Variants in ANKRD6 observed in about 807,000 individuals in gnomAD.
ANKRD6 encodes the protein ankyrin repeat domain 6, also known as ankyrin repeat domain-containing protein 6.
In ANKRD6, 56 loss-of-function variants were observed where a neutral mutation model predicts 82.3. That is an observed-to-expected ratio of 0.68 (90% CI 0.55 to 0.85). The LOEUF is 0.85. ANKRD6 is among the 40% of genes least tolerant of loss of function. ANKRD6 has a pLI of 0.00. For missense variants in ANKRD6, 852 were observed against 907.6 expected, an observed-to-expected ratio of 0.94 and a Z score of 0.79; for synonymous variants, 347 against 352.1, an observed-to-expected ratio of 0.99 and a Z score of 0.16.
At position 89,621,917 on chromosome 6, in the gene ANKRD6, T is replaced by C; in HGVS notation, c.793-5T>C. Reference sequence around the variant, plus strand: ...GGTTGTAACAATGCCGTTTGCCTCCTTCAGGTCTTGCGCTTCAGTCGTGGG... The same window carrying C: ...GGTTGTAACAATGCCGTTTGCCTCCCTCAGGTCTTGCGCTTCAGTCGTGGG... On this transcript the variant is annotated splice_region_variant and splice_polypyrimidine_tract_variant and intron_variant, in intron 9 of 15. Transcript: ENST00000339746. 6.2e-7 allele frequency: 1 copy of C among 1,613,850 alleles called. No homozygotes were observed. Among genetic ancestry groups the C allele is most frequent in the South Asian group, 1.1e-5 (1 of 91,066 alleles).
chr6:89,576,847 C>T (rs923899084), intron 2 of ANKRD6, among the ~76,000 whole-genome samples: 8 of 152,192 alleles, frequency 5.3e-5, no homozygotes, highest in African/African-American at 1.9e-4. Flanking sequence ...GCTTTTCCAG[C>T]TCAAGGCTGG....
At chr6:89,598,898 C>A (rs1423813959) in intron 3 of ANKRD6, among the ~76,000 whole-genome samples, 1 of 152,142 alleles carries the variant, frequency 6.6e-6, no homozygotes, top group African/African-American at 2.4e-5. Context: ...TGCATCTGAC[C>A]TTTTCTGAGG....
intron 1 of ANKRD6, among the ~76,000 whole-genome samples, chr6:89,533,458 A>G (rs1191060756): frequency 6.6e-6 from 1 of 152,128 alleles, no homozygotes; most frequent in African/African-American, 2.4e-5. Flanking sequence ...CTGCCTCCTG[A>G]TAGTCACACC....
chr6:89,543,824 A>C (rs1356066740), intron 1 of ANKRD6, among the ~76,000 whole-genome samples: 1 of 152,158 alleles, frequency 6.6e-6, no homozygotes, highest in African/African-American at 2.4e-5. Context: ...CCAATCAGCC[A>C]CAGATCCTTT....
At chr6:89,566,788 T>A (rs1311047610) in intron 1 of ANKRD6, 46 bp from the exon 2 acceptor site, 2 of 652,222 alleles carry the variant, frequency 3.1e-6, no homozygotes, top group African/African-American at 3.7e-5. Context: ...GACCTGTCCT[T>A]GTGTGTCAAG....
At chr6:89,526,159 CA>C (rs1782473275) in intron 1 of ANKRD6, among the ~76,000 whole-genome samples, 1 of 152,192 alleles carries the variant, frequency 6.6e-6, no homozygotes, top group South Asian at 2.1e-4. Context: ...TCTCTCAGAT[CA>C]CACTGCCATG....
intron 1 of ANKRD6, among the ~76,000 whole-genome samples, chr6:89,499,020 T>G (rs866117492): frequency 2.8e-4 from 42 of 152,262 alleles, no homozygotes; most frequent in African/African-American, 9.6e-4. Flanking sequence ...CTAACCACCT[T>G]CCAGCCAGGA....
At chr6:89,464,488 C>T (rs1341756918) in intron 1 of ANKRD6, among the ~76,000 whole-genome samples, 1 of 152,152 alleles carries the variant, frequency 6.6e-6, no homozygotes, top group East Asian at 1.9e-4. Context: ...TTATATCTGT[C>T]AGGCCTTTGT....
chr6:89,623,831 G>A (rs1292909778), intron 11 of ANKRD6, 41 bp from the exon 12 acceptor site: 1 of 1,579,750 alleles, frequency 6.3e-7, no homozygotes, highest in South Asian at 1.2e-5. Context: ...GTCTTGCAGA[G>A]GTCAAAGCGT....
At chr6:89,623,123 G>T (rs1804221822) in intron 10 of ANKRD6, among the ~76,000 whole-genome samples, 2 of 152,018 alleles carry the variant, frequency 1.3e-5, no homozygotes, top group African/African-American at 4.8e-5. Context: ...GAGGTGTTTT[G>T]TGTCGGGTAG....
chr6:89,524,029 A>G (rs1782173904), intron 1 of ANKRD6, among the ~76,000 whole-genome samples: 1 of 152,200 alleles, frequency 6.6e-6, no homozygotes, highest in South Asian at 2.1e-4. Context: ...ACCCTAGGCC[A>G]GGAGAGCCAG....
intron 2 of ANKRD6, among the ~76,000 whole-genome samples, chr6:89,580,603 G>C (rs1483271220): frequency 1.3e-5 from 2 of 151,600 alleles, no homozygotes; most frequent in African/African-American, 2.4e-5. Context: ...GCTGCCACTC[G>C]CTGGGCTTCC....
intron 3 of ANKRD6, among the ~76,000 whole-genome samples, chr6:89,599,995 G>A (rs1796742314): frequency 6.6e-6 from 1 of 152,136 alleles, no homozygotes. Flanking sequence ...AGGCAGGACA[G>A]CCAAAAGGTC....
chr6:89,435,115 C>T (rs1463947293), intron 1 of ANKRD6, among the ~76,000 whole-genome samples: 4 of 152,212 alleles, frequency 2.6e-5, no homozygotes, highest in Non-Finnish European at 5.9e-5. Context: ...AGACTGCCTG[C>T]GATCCAACTC....
chr6:89,509,135 C>T (rs963552093), intron 1 of ANKRD6: 1 of 152,302 alleles, frequency 6.6e-6, no homozygotes, highest in East Asian at 1.9e-4. Context: ...CTTTGAAGTG[C>T]ACCAGTGACC....
intron 1 of ANKRD6, among the ~76,000 whole-genome samples, chr6:89,470,431 C>G (rs1043389637): frequency 2.6e-5 from 4 of 152,144 alleles, no homozygotes; most frequent in African/African-American, 9.7e-5. Flanking sequence ...TCAGCCTGGG[C>G]AACATAGCGA....
intron 1 of ANKRD6, among the ~76,000 whole-genome samples, chr6:89,486,416 C>A (rs946386678): frequency 6.6e-6 from 1 of 152,062 alleles, no homozygotes; most frequent in Non-Finnish European, 1.5e-5. Context: ...ATGACAAAAT[C>A]ACCTAACAGT....
Position 89,623,077 on chromosome 6 carries a change from T to C in ANKRD6, c.898-333T>C, listed in dbSNP as rs1265041335. Among the ~76,000 whole-genome samples, 3 of 151,864 alleles carry C rather than the reference T, an allele frequency of 2.0e-5. No homozygotes were observed. The East Asian group carries it at 5.8e-4, about 30-fold the overall frequency. On this transcript the variant is annotated intron_variant, in intron 10 of 15. Coordinates refer to ENST00000339746, the MANE Select transcript of ANKRD6 (RefSeq NM_001242809.2). ...GGTCAAAGAATGAGTGAGTTATGTTTTGTTGAAATCTAAACGATCAAAAAT... is the reference window on the plus strand; with the variant it reads ...GGTCAAAGAATGAGTGAGTTATGTTCTGTTGAAATCTAAACGATCAAAAAT...
chr6:89,578,286 C>CTTTTTTTTTTTTTTTTTTTTT lies in ANKRD6; in HGVS notation c.120+11196_120+11216dup, dbSNP rs71024383. ...ATTAGCTTTTTCCCCCTCCCGCCTC[C>CTTTTTTTTTTTTTTTTTTTTT]TTTTTTTTTTTTTTTTTTTTTTTTT... On this transcript the variant is annotated intron_variant, in intron 2 of 15. Coordinates refer to ENST00000339746, the MANE Select transcript of ANKRD6 (RefSeq NM_001242809.2). Among the ~76,000 whole-genome samples, 8 of 119,098 alleles carry CTTTTTTTTTTTTTTTTTTTTT rather than the reference C, an allele frequency of 6.7e-5. 4 individuals carry two copies. The highest frequency in any genetic ancestry group is 6.8e-5 in the Non-Finnish European group (4 of 58,470). 78.1% of individuals were successfully genotyped at this position (119,098 alleles called of 152,430 possible).
Sources: gnomAD v4.1 joint callset for allele counts (sites outside exome capture counted in the v4.1 genomes callset) on GRCh38, gnomAD v4.1.1 for gene constraint, MANE v1.5 for transcripts, NCBI Gene and HGNC (gene_info 2026-07-23, HGNC 2026-07-21) for gene names.